The following RNF216 variants were observed in gnomAD, a reference collection of about 807,000 sequenced individuals.
RNF216 encodes ring finger protein 216, also known as E3 ubiquitin-protein ligase RNF216.
Under a neutral mutation model 110.8 loss-of-function variants are expected in RNF216, and 72 were observed. The ratio of observed to expected loss-of-function variants is 0.65; its 90% CI spans 0.54 to 0.79. RNF216 has a LOEUF of 0.79. Among genes scored for constraint, RNF216 ranks in the 30% least tolerant of loss-of-function variants. RNF216 has a pLI of 0.00. For synonymous variants in RNF216, 495 were observed against 407.5 expected, an observed-to-expected ratio of 1.21 and a Z score of -2.59; for missense variants, 1,342 against 1,141.2, an observed-to-expected ratio of 1.18 and a Z score of -2.54.
chr7:5,690,774 G>C (rs1258359642), intron 13 of RNF216, among the ~76,000 whole-genome samples: 4 of 152,128 alleles, frequency 2.6e-5, no homozygotes, highest in East Asian at 1.9e-4. Context: ...GCCCACACTA[G>C]AGCTCATGCC....
chr7:5,750,748 A>C (rs1400093207), intron 3 of RNF216, among the ~76,000 whole-genome samples: 1 of 152,110 alleles, frequency 6.6e-6, no homozygotes, highest in African/African-American at 2.4e-5. Flanking sequence ...TGAGACTCTT[A>C]CTCTCCTTAA....
chr7:5,733,503 C>T (rs1794211524), intron 5 of RNF216, among the ~76,000 whole-genome samples: 1 of 152,094 alleles, frequency 6.6e-6, no homozygotes, highest in Non-Finnish European at 1.5e-5. Flanking sequence ...TGAATATACT[C>T]AATTTCTATG....
chr7:5,752,771 G>A, intron 3 of RNF216, 75 bp downstream of exon 3: 2 of 1,489,678 alleles, frequency 1.3e-6, no homozygotes, highest in Non-Finnish European at 9.2e-7. Context: ...TCTACAACAA[G>A]GCCCACAAGA....
chr7:5,780,994 C>G (rs1007019189), intron 1 of RNF216, among the ~76,000 whole-genome samples: 3 of 152,236 alleles, frequency 2.0e-5, no homozygotes, highest in Non-Finnish European at 4.4e-5. Context: ...CAGCCCCCAG[C>G]GCCCCGCAGA....
At chr7:5,713,213 C>T (rs1792826119) in intron 11 of RNF216, 1 of 166,688 alleles carries the variant, frequency 6.0e-6, no homozygotes, top group African/African-American at 2.4e-5. Context: ...AGCTGGAGAA[C>T]CTCTGGAAAG....
chr7:5,739,297 T>C lies in RNF216; in HGVS notation c.1100A>G (p.Lys367Arg), dbSNP rs888242086. 2 of 1,596,142 alleles carry C rather than the reference T, an allele frequency of 1.3e-6. No homozygotes were observed. Among genetic ancestry groups the C allele is most frequent in the Admixed American group, 3.6e-5 (2 of 54,968 alleles). The change falls in exon 5 of 17, where the codon AAG becomes AGG. Residue 367 changes from lysine (K) to arginine (R), a missense_variant. Lys to Arg is a conservative substitution (Grantham distance 26, BLOSUM62 2). Transcript: ENST00000389902. ...NGFIEEIIHF[K>R]NYYDLNVLCN... ...TTACACATTCAGATCATAATAATTCTTAAAATGAATTATTTCCTCAATAAA... is the reference window on the plus strand; with the variant it reads ...TTACACATTCAGATCATAATAATTCCTAAAATGAATTATTTCCTCAATAAA...
At chr7:5,773,427 G>A (rs1462128449) in intron 1 of RNF216, among the ~76,000 whole-genome samples, 1 of 151,964 alleles carries the variant, frequency 6.6e-6, no homozygotes, top group Non-Finnish European at 1.5e-5. Context: ...ATTTTTAGTA[G>A]AGACAATGTT....
At chr7:5,748,611 TACACACACACACACACACACAC>T (rs10588945) in intron 3 of RNF216, among the ~76,000 whole-genome samples, 95 of 143,158 alleles carry the variant, frequency 6.6e-4, no homozygotes, top group African/African-American at 2.0e-3. Flanking sequence ...TTTATATACA[TACACACACACACACACACACAC>T]ACACACACAC....
At chr7:5,695,163 C>G (rs537558632) in intron 13 of RNF216, among the ~76,000 whole-genome samples, 1 of 152,348 alleles carries the variant, frequency 6.6e-6, no homozygotes, top group African/African-American at 2.4e-5. Context: ...GGTTCTTCAT[C>G]TGTACAACAA....
chr7:5,710,757 T>C (rs1792629128), intron 13 of RNF216, among the ~76,000 whole-genome samples: 2 of 152,156 alleles, frequency 1.3e-5, no homozygotes, highest in African/African-American at 4.8e-5. Context: ...TTTCCATCCT[T>C]TGGCTACTTC....
At chr7:5,682,189 T>C (rs543442823) in intron 13 of RNF216, among the ~76,000 whole-genome samples, 44 of 152,286 alleles carry the variant, frequency 2.9e-4, no homozygotes, top group African/African-American at 1.1e-3. Flanking sequence ...TGGCAGATTC[T>C]GTACCTACGT....
intron 1 of RNF216, among the ~76,000 whole-genome samples, chr7:5,773,311 C>A (rs1796600213): frequency 6.6e-6 from 1 of 151,320 alleles, no homozygotes; most frequent in Admixed American, 6.6e-5. Flanking sequence ...GGTGCAATCT[C>A]AGCTCACTGC....
rs533669317 is a variant in RNF216 at position 5,700,273 on chromosome 7, C to A, written c.2061+11488G>T. Among the ~76,000 whole-genome samples the A allele has an allele frequency of 2.5e-4, 38 of 152,312 alleles. 2 individuals carry two copies. The East Asian group carries it at 2.7e-3, about 11-fold the overall frequency. On this transcript the variant is annotated intron_variant, in intron 13 of 16. Transcript: ENST00000389902. ...GCCGCACACGTGCACTCACACACAG[C>A]CCCTTCTCAAGGACATCACAATGAG...
At chr7:5,736,520 T>A (rs371328318) in intron 5 of RNF216, among the ~76,000 whole-genome samples, 1 of 152,136 alleles carries the variant, frequency 6.6e-6, no homozygotes, top group African/African-American at 2.4e-5. Context: ...TGCCGAGATT[T>A]CAGCCTCTGC....
intron 13 of RNF216, among the ~76,000 whole-genome samples, chr7:5,707,572 T>C (rs971058690): frequency 6.6e-6 from 1 of 152,158 alleles, no homozygotes; most frequent in Non-Finnish European, 1.5e-5. Context: ...ATCTGTGAAC[T>C]TGCACGGATA....
intron 3 of RNF216, among the ~76,000 whole-genome samples, chr7:5,743,864 G>C (rs1356989597): frequency 6.6e-6 from 1 of 152,186 alleles, no homozygotes; most frequent in Non-Finnish European, 1.5e-5. Flanking sequence ...GCAGCGTGGA[G>C]AGTTTAACTC....
At chr7:5,631,533 C>T (rs982407580) in intron 15 of RNF216, among the ~76,000 whole-genome samples, 1 of 152,140 alleles carries the variant, frequency 6.6e-6, no homozygotes, top group African/African-American at 2.4e-5. Context: ...GAAGCGAATG[C>T]TTCAAGATTT....
intron 8 of RNF216, 73 bp downstream of exon 8, chr7:5,725,251 T>G: frequency 4.5e-6 from 4 of 896,754 alleles, no homozygotes; most frequent in Middle Eastern, 2.2e-4. Context: ...TAGCACGGCT[T>G]CCTTCACTGA....
rs985332638 is a variant in RNF216, at chr7:5,729,016, C to T, written c.1389+416G>A. 3.9e-5 allele frequency among the ~76,000 whole-genome samples: 6 copies of T among 152,206 alleles called. No homozygotes were observed. In the East Asian group the frequency reaches 7.7e-4, roughly 20 times the overall value. On this transcript the variant is annotated intron_variant, in intron 7 of 16. Coordinates refer to ENST00000389902, the MANE Select transcript of RNF216 (RefSeq NM_207111.4). ...GCTGGGAGCTGTCAGTAGCTGCCCA[C>T]TCTCTTCTGAGGGGGCACTGCTGTG...
Sources: gnomAD v4.1 joint callset for allele counts (sites outside exome capture counted in the v4.1 genomes callset) on GRCh38, gnomAD v4.1.1 for gene constraint, MANE v1.5 for transcripts, NCBI Gene and HGNC (gene_info 2026-07-23, HGNC 2026-07-21) for gene names.